Variants in DCDC1 observed in about 807,000 individuals in gnomAD.
DCDC1 encodes the protein doublecortin domain-containing protein 1.
Under a neutral mutation model 178.3 loss-of-function variants are expected in DCDC1, and 200 were observed. That is an observed-to-expected ratio of 1.12 (90% confidence interval 1.00 to 1.26). The LOEUF is 1.26. Among genes scored for constraint, DCDC1 ranks in the 50% most tolerant of loss-of-function variants. The pLI, the probability that DCDC1 is intolerant of heterozygous loss-of-function variation, is 0.00. For missense variants in DCDC1, 1,983 were observed against 1,749.2 expected (o/e 1.13, Z -2.38); for synonymous variants, 690 against 604.8 (o/e 1.14, Z -2.07).
At chr11:30,954,005 CTTTTTTTTTT>C (rs5790847) in intron 20 of DCDC1, among the ~76,000 whole-genome samples, 2 of 76,504 alleles carry the variant, frequency 2.6e-5, no homozygotes, top group Non-Finnish European at 4.7e-5. Flanking sequence ...TACAACAATT[CTTTTTTTTTT>C]TTTTTTTTTT....
At chr11:30,975,503 G>A (rs1313161592) in intron 20 of DCDC1, among the ~76,000 whole-genome samples, 1 of 151,876 alleles carries the variant, frequency 6.6e-6, no homozygotes, top group Admixed American at 6.6e-5. Flanking sequence ...ACAAACCTCT[G>A]AGATAATCAA....
Position 31,359,093 on chromosome 11 carries a change from C to T in DCDC1, c.-125+10604G>A, listed in dbSNP as rs11031366. Among the ~76,000 whole-genome samples the T allele has an allele frequency of 1.1e-4, 17 of 152,176 alleles. No individual in the cohort carries two copies. The East Asian group carries it at 3.1e-3, about 28-fold the overall frequency. On this transcript the variant is annotated intron_variant, in intron 1 of 38. Transcript: ENST00000684477. ...GCCATCCCATTACTGGGTATATACC[C>T]AAAGGACTATAAATCATGCTGCTAT...
At chr11:31,347,805 G>A (rs1367074691) in intron 1 of DCDC1, among the ~76,000 whole-genome samples, 6 of 152,148 alleles carry the variant, frequency 3.9e-5, no homozygotes, top group Non-Finnish European at 8.8e-5. Flanking sequence ...AGTTATACCT[G>A]AATAAAGAGG....
chr11:31,196,500 C>G (rs1970711579), intron 9 of DCDC1, among the ~76,000 whole-genome samples: 3 of 152,026 alleles, frequency 2.0e-5, no homozygotes, highest in Non-Finnish European at 4.4e-5. Flanking sequence ...TCCCATGACT[C>G]CCTCCTCAGG....
At position 30,905,048 on chromosome 11, in the gene DCDC1, T is replaced by A; in HGVS notation, c.4221A>T (p.Thr1407=). ...QAASHSGMAA[T]HQKAVKIIAY... ...CAATTATTTTCACTGCCTTCTGGTG[T>A]GTGGCTGCCATGCCACTGTGAGATG... Residue 1407 remains threonine (T), a synonymous_variant, in exon 31 of 39, where the codon ACA becomes ACT. Transcript: ENST00000684477. 3 of 1,613,876 alleles carry A rather than the reference T, an allele frequency of 1.9e-6. No individual in the cohort carries two copies. The highest frequency in any genetic ancestry group is 2.5e-6 in the Non-Finnish European group (3 of 1,179,778).
intron 21 of DCDC1, among the ~76,000 whole-genome samples, chr11:30,938,837 T>C (rs1947448883): frequency 6.6e-6 from 1 of 152,176 alleles, no homozygotes; most frequent in Admixed American, 6.5e-5. Context: ...TCTGTGGGAA[T>C]GTTGGAGGGG....
chr11:30,899,428 TTTTATATA>T, intron 34 of DCDC1, 105 bp downstream of exon 34: 1 of 56,714 alleles, frequency 1.8e-5, no homozygotes, highest in Non-Finnish European at 3.2e-5. Flanking sequence ...TTATATATTG[TTTTATATA>T]GTACTCTTTA....
intron 9 of DCDC1, among the ~76,000 whole-genome samples, chr11:31,174,469 C>A (rs952616095): frequency 6.6e-6 from 1 of 152,160 alleles, no homozygotes; most frequent in Non-Finnish European, 1.5e-5. Flanking sequence ...GGCAGGCACC[C>A]CTCAGCATGA....
At chr11:31,054,461 T>A (rs1301429726) in intron 20 of DCDC1, among the ~76,000 whole-genome samples, 1 of 152,000 alleles carries the variant, frequency 6.6e-6, no homozygotes, top group Non-Finnish European at 1.5e-5. Context: ...AATACCACCA[T>A]CATTCTTCAC....
chr11:30,944,991 C>T lies in DCDC1; in HGVS notation c.2715+7454G>A, dbSNP rs575590994. On this transcript the variant is annotated intron_variant, in intron 21 of 38. Transcript: ENST00000684477. ...TTTTTTTTTTTTTTTTTTTTTGAGA[C>T]GGAGTCTCATTCTGTCTCCCAGGTT... Among the ~76,000 whole-genome samples, 58 of 92,080 alleles carry T rather than the reference C, an allele frequency of 6.3e-4. 1 individual carries two copies. The South Asian group carries it at 8.8e-3, about 14-fold the overall frequency. 60.4% of individuals were successfully genotyped at this position (92,080 alleles called of 152,430 possible). A position where few individuals can be genotyped will look rare whatever the true frequency, so the allele number is the denominator to read the frequency against.
chr11:31,009,137 T>A (rs993962338), intron 20 of DCDC1, among the ~76,000 whole-genome samples: 16 of 152,172 alleles, frequency 1.1e-4, no homozygotes, highest in African/African-American at 2.9e-4. Context: ...GACATTATTT[T>A]CTTCAAAGAA....
At chr11:30,885,593 A>G (rs1943092063) in intron 36 of DCDC1, among the ~76,000 whole-genome samples, 1 of 152,144 alleles carries the variant, frequency 6.6e-6, no homozygotes, top group African/African-American at 2.4e-5. Context: ...TCACCTCAAC[A>G]AGTAATTAAA....
At chr11:31,348,507 G>A (rs1200771041) in intron 1 of DCDC1, among the ~76,000 whole-genome samples, 1 of 152,134 alleles carries the variant, frequency 6.6e-6, no homozygotes, top group African/African-American at 2.4e-5. Flanking sequence ...CTTGAAAACT[G>A]CTGCAGCATT....
In DCDC1 at chr11:31,057,411, C is replaced by T. The variant is rs149089946; in HGVS notation, c.2591+7058G>A. ...GAAATTAATCTAGAAGTCAATAATA[C>T]AAAGCTGAAATATTTCATATATTTG... On this transcript the variant is annotated intron_variant, in intron 20 of 38. Coordinates refer to ENST00000684477, the MANE Select transcript of DCDC1 (RefSeq NM_001387274.1). 2.0e-3 allele frequency among the ~76,000 whole-genome samples: 303 copies of T among 152,010 alleles called. 1 individual carries two copies. Among genetic ancestry groups the T allele is most frequent in the African/African-American group, 7.0e-3 (291 of 41,468 alleles).
At chr11:31,063,224 G>A (rs1277327716) in intron 20 of DCDC1, among the ~76,000 whole-genome samples, 1 of 152,022 alleles carries the variant, frequency 6.6e-6, no homozygotes, top group Non-Finnish European at 1.5e-5. Flanking sequence ...AGGATGTGGA[G>A]AAATAAGAAC....
intron 28 of DCDC1, among the ~76,000 whole-genome samples, chr11:30,909,553 A>G (rs766878248): frequency 1.4e-4 from 21 of 152,138 alleles, no homozygotes; most frequent in Admixed American, 5.2e-4. Flanking sequence ...TTCTAGAAGT[A>G]GAGTTGCCAA....
intron 36 of DCDC1, among the ~76,000 whole-genome samples, chr11:30,889,781 A>T (rs1943613604): frequency 6.6e-6 from 1 of 152,190 alleles, no homozygotes; most frequent in African/African-American, 2.4e-5. Flanking sequence ...TGTTTTCACC[A>T]TGCCATTTCT....
chr11:31,073,874 G>T (rs1051334849), intron 18 of DCDC1, among the ~76,000 whole-genome samples: 3 of 152,166 alleles, frequency 2.0e-5, no homozygotes, highest in African/African-American at 7.2e-5. Context: ...GGAAGGAAAT[G>T]TTATTATAAC....
intron 9 of DCDC1, among the ~76,000 whole-genome samples, chr11:31,175,149 C>A (rs192258952): frequency 6.6e-6 from 1 of 152,194 alleles, no homozygotes; most frequent in East Asian, 1.9e-4. Context: ...CTGGCATCTC[C>A]GAGCTTCCGG....
Sources: allele counts gnomAD v4.1 joint callset (sites outside exome capture counted in the v4.1 genomes callset), GRCh38; gene constraint gnomAD v4.1.1; transcripts MANE v1.5; gene names NCBI Gene and HGNC (gene_info 2026-07-23, HGNC 2026-07-21).